Variants in STEAP3 observed in about 807,000 individuals in gnomAD.
STEAP3 encodes STEAP3 metalloreductase.
A neutral mutation model predicts 34.9 loss-of-function variants in STEAP3; 35 were observed. The ratio of observed to expected loss-of-function variants is 1.00; its 90% confidence interval spans 0.76 to 1.33. The LOEUF is 1.33. STEAP3 is among the 40% of genes most tolerant of loss of function. The probability of loss-of-function intolerance (pLI) is 0.00; values close to 1 mark genes in which losing one functional copy is unlikely to be tolerated. For missense variants in STEAP3, 652 were observed against 667.6 expected (o/e 0.98, Z 0.26); for synonymous variants, 281 against 301.6 (o/e 0.93, Z 0.71).
At chr2:119,253,831 C>T (rs79096441) in intron 4 of STEAP3, among the ~76,000 whole-genome samples, 2 of 151,424 alleles carry the variant, frequency 1.3e-5, no homozygotes, top group Non-Finnish European at 2.9e-5. Context: ...GGTGGGGGGG[C>T]CCAGATCTCT....
rs754476468 is a variant in STEAP3 at position 119,245,971 on chromosome 2, A to G, written c.505A>G (p.Arg169Gly). The change falls in exon 3 of 6, where the codon AGG becomes GGG. Residue 169 changes from arginine to glycine, a missense_variant. By Grantham distance (125) the Arg-to-Gly change is moderately radical (BLOSUM62 -2). Transcript: ENST00000393110. ...ISAWTLQAGPRDGNRQVPICG... is the reference protein window; with the variant it reads ...ISAWTLQAGPGDGNRQVPICG... ...TGCCTGGACCCTGCAGGCTGGCCCA[A>G]GGGATGGTAACAGGCAGGTAGGTTC... 18 of 1,612,698 alleles carry G rather than the reference A, an allele frequency of 1.1e-5. No homozygotes were observed. Among genetic ancestry groups the G allele is most frequent in the Non-Finnish European group, 1.4e-5 (17 of 1,179,410 alleles).
At chr2:119,241,852 C>G (rs1425746896) in intron 2 of STEAP3, among the ~76,000 whole-genome samples, 1 of 152,234 alleles carries the variant, frequency 6.6e-6, no homozygotes, top group Non-Finnish European at 1.5e-5. Flanking sequence ...ATCTTCTCGC[C>G]TTGCTTCACT....
At position 119,263,071 on chromosome 2, in the gene STEAP3, T is replaced by C. The variant is rs766410185; in HGVS notation, c.1230T>C (p.Phe410=). 4 of 1,606,890 alleles carry C rather than the reference T, an allele frequency of 2.5e-6. No homozygotes were observed. In the South Asian group the frequency reaches 4.4e-5, roughly 18 times the overall value. Residue 410 remains phenylalanine, a synonymous_variant, in exon 6 of 6, where the codon TTT becomes TTC. Transcript: ENST00000393110. ...EFSFVQSSLG[F]VALVLSTLHT... ...TCCCTCCACAGTCCTCACTGGGCTTTGTGGCCCTCGTGCTGAGCACACTGC... is the reference window on the plus strand; with the variant it reads ...TCCCTCCACAGTCCTCACTGGGCTTCGTGGCCCTCGTGCTGAGCACACTGC...
chr2:119,254,069 A>T (rs1463675807), intron 4 of STEAP3, among the ~76,000 whole-genome samples: 1 of 151,924 alleles, frequency 6.6e-6, no homozygotes, highest in Non-Finnish European at 1.5e-5. Context: ...CAGTGTCTGT[A>T]TGTGTCTTTG....
At chr2:119,259,325 C>T (rs961596798) in intron 5 of STEAP3, among the ~76,000 whole-genome samples, 3 of 152,138 alleles carry the variant, frequency 2.0e-5, no homozygotes, top group African/African-American at 7.2e-5. Flanking sequence ...CATGACAATC[C>T]CTCTCCTTTT....
In STEAP3 at chr2:119,263,424, T is replaced by C. The variant is rs2104856165; in HGVS notation, c.*86T>C. The C allele has an allele frequency of 6.5e-7, 1 of 1,535,408 alleles. No individual in the cohort carries two copies. ...GTTTTCTTTTCTTGGTGGTGCAAAG[T>C]GGTATAACTGTGTGCAAATAGGAGG... is the stretch of plus-strand genomic sequence containing the variant. On this transcript the variant is annotated 3_prime_UTR_variant, in exon 6 of 6. Transcript: ENST00000393110.
At chr2:119,228,947 T>C (rs982639107) in intron 1 of STEAP3, among the ~76,000 whole-genome samples, 2 of 152,034 alleles carry the variant, frequency 1.3e-5, no homozygotes, top group Admixed American at 1.3e-4. Flanking sequence ...AACAGAAAGG[T>C]TTGCTTTCCT....
At position 119,264,582 on chromosome 2, in the gene STEAP3, C is replaced by A. The variant is rs995070165; in HGVS notation, c.*1244C>A. 3.3e-5 allele frequency: 5 copies of A among 152,232 alleles called. No homozygotes were observed. The highest frequency in any genetic ancestry group is 7.3e-5 in the Non-Finnish European group (5 of 68,064). 9.4% of individuals were successfully genotyped at this position (152,232 alleles called of 1,614,324 possible). The stretch of plus-strand genomic sequence containing the variant: ...CACAGGCCATCCTTGCTGCTCCCTA[C>A]TGACTCTAGCTTACTTCCCCTGTGA... On this transcript the variant is annotated 3_prime_UTR_variant, in exon 6 of 6. Coordinates refer to ENST00000393110, the MANE Select transcript of STEAP3 (RefSeq NM_182915.3).
At chr2:119,225,442 C>T (rs902186760) in intron 1 of STEAP3, among the ~76,000 whole-genome samples, 12 of 152,222 alleles carry the variant, frequency 7.9e-5, no homozygotes, top group African/African-American at 2.9e-4. Context: ...GCCACTTGTC[C>T]ACCTGGGGGT....
intron 5 of STEAP3, among the ~76,000 whole-genome samples, chr2:119,261,348 C>T (rs1331599861): frequency 6.6e-6 from 1 of 152,172 alleles, no homozygotes; most frequent in African/African-American, 2.4e-5. Flanking sequence ...CAGTGTGCCG[C>T]CACACTTAAA....
intron 5 of STEAP3, among the ~76,000 whole-genome samples, chr2:119,260,320 C>CTTT (rs141354895): frequency 1.4e-5 from 2 of 137,978 alleles, no homozygotes; most frequent in Admixed American, 7.3e-5. Flanking sequence ...TTTTTTTTTT[C>CTTT]TTTTTTTTTG....
chr2:119,241,704 C>T (rs1341535594), intron 2 of STEAP3, among the ~76,000 whole-genome samples: 1 of 152,154 alleles, frequency 6.6e-6, no homozygotes. Context: ...TCGGCTGCAG[C>T]GGCCTCCATA....
chr2:119,233,661 A>G (rs1677008374), intron 2 of STEAP3, among the ~76,000 whole-genome samples: 1 of 152,190 alleles, frequency 6.6e-6, no homozygotes, highest in South Asian at 2.1e-4. Flanking sequence ...TGAGTTTTTT[A>G]TTGGCCCCCA....
intron 4 of STEAP3, among the ~76,000 whole-genome samples, chr2:119,251,558 A>G (rs1216785702): frequency 6.6e-6 from 1 of 152,076 alleles, no homozygotes; most frequent in East Asian, 1.9e-4. Flanking sequence ...CCGTTCTCCT[A>G]TTACCTTCAC....
At chr2:119,240,379 AG>A (rs1677212493) in intron 2 of STEAP3, among the ~76,000 whole-genome samples, 1 of 152,218 alleles carries the variant, frequency 6.6e-6, no homozygotes, top group Admixed American at 6.5e-5. Context: ...ATCTGGCTGC[AG>A]GGTGCCACAG....
chr2:119,246,666 C>A (rs1677436847), intron 3 of STEAP3: 1 of 152,992 alleles, frequency 6.5e-6, no homozygotes, highest in East Asian at 1.9e-4. Flanking sequence ...TAAAGGTGCC[C>A]AGCCATACCT....
intron 3 of STEAP3, 125 bp downstream of exon 3, chr2:119,246,113 A>G (rs1262337208): frequency 2.3e-6 from 3 of 1,292,622 alleles, no homozygotes; most frequent in Non-Finnish European, 3.2e-6. Context: ...GCAAAATTCC[A>G]TTTTACAGAA....
chr2:119,250,953 T>C (rs1210558482), intron 4 of STEAP3, among the ~76,000 whole-genome samples: 1 of 152,140 alleles, frequency 6.6e-6, no homozygotes, highest in Non-Finnish European at 1.5e-5. Context: ...TGCAGAGTTC[T>C]TAAGGGCAAA....
At chr2:119,237,303 C>T (rs1677119946) in intron 2 of STEAP3, among the ~76,000 whole-genome samples, 1 of 152,144 alleles carries the variant, frequency 6.6e-6, no homozygotes, top group Non-Finnish European at 1.5e-5. Flanking sequence ...CCTTCCTGAG[C>T]CCCATTTCTT....
Sources: allele counts gnomAD v4.1 joint callset (sites outside exome capture counted in the v4.1 genomes callset), GRCh38; gene constraint gnomAD v4.1.1; transcripts MANE v1.5; gene names NCBI Gene and HGNC (gene_info 2026-07-23, HGNC 2026-07-21).